Variants in ROBO1 observed in about 807,000 individuals in gnomAD.
The protein encoded by ROBO1 is roundabout guidance receptor 1, also known as roundabout homolog 1.
ROBO1 carries 149 observed loss-of-function variants against 195.9 expected under a neutral mutation model. The ratio of observed to expected loss-of-function variants is 0.76; its 90% confidence interval spans 0.67 to 0.87. The LOEUF (loss-of-function observed/expected upper bound fraction) is 0.87, where lower values mean the gene tolerates loss of function less well. ROBO1 is among the 40% of genes least tolerant of loss of function. The pLI is 0.00. For missense variants in ROBO1, 1,933 were observed against 2,068.3 expected, an observed-to-expected ratio of 0.93 and a Z score of 1.27; for synonymous variants, 816 against 733.2, an observed-to-expected ratio of 1.11 and a Z score of -1.82.
chr3:79,215,465 C>A (rs1245329918), intron 2 of ROBO1, among the ~76,000 whole-genome samples: 2 of 152,000 alleles, frequency 1.3e-5, no homozygotes, highest in South Asian at 2.1e-4. Flanking sequence ...CTACTCCGAC[C>A]CAACAAACGA....
intron 2 of ROBO1, among the ~76,000 whole-genome samples, chr3:79,244,442 A>G (rs1472265983): frequency 2.0e-5 from 3 of 152,162 alleles, no homozygotes; most frequent in Non-Finnish European, 2.9e-5. Context: ...AAATACCCCC[A>G]GGATGGTTTT....
At chr3:78,620,883 A>G (rs202134279) in intron 26 of ROBO1, among the ~76,000 whole-genome samples, 2,550 of 144,636 alleles carry the variant, frequency 0.018, 66 homozygotes, top group African/African-American at 0.053. Context: ...ATATATATAT[A>G]TGTGTGTGTG....
intron 2 of ROBO1, among the ~76,000 whole-genome samples, chr3:79,556,154 T>G (rs1942692039): frequency 6.6e-6 from 1 of 152,122 alleles, no homozygotes; most frequent in South Asian, 2.1e-4. Flanking sequence ...TATATAGAAT[T>G]ATAAATCTTT....
chr3:79,569,976 C>T (rs1943226077), intron 2 of ROBO1, among the ~76,000 whole-genome samples: 1 of 149,770 alleles, frequency 6.7e-6, no homozygotes, highest in Admixed American at 6.7e-5. Context: ...TGATGTTCAC[C>T]TGTAGTCCCA....
chr3:78,711,388 TTCCTTCCTTC>T (rs1559773409), intron 8 of ROBO1, among the ~76,000 whole-genome samples: 63 of 47,030 alleles, frequency 1.3e-3, no homozygotes, highest in South Asian at 3.4e-3. Flanking sequence ...CCTTCCTTCC[TTCCTTCCTTC>T]CTTTCTTTCT....
intron 2 of ROBO1, among the ~76,000 whole-genome samples, chr3:79,544,855 T>C (rs1942204724): frequency 6.6e-6 from 1 of 152,122 alleles, no homozygotes; most frequent in Non-Finnish European, 1.5e-5. Context: ...GGAAATTGTA[T>C]TGTTATTTGA....
chr3:78,657,320 G>GC, intron 17 of ROBO1, 51 bp from the exon 18 acceptor site: 1 of 1,581,844 alleles, frequency 6.3e-7, no homozygotes, highest in Middle Eastern at 1.7e-4. Flanking sequence ...CTAAATGAAT[G>GC]CAAAGATCAA....
chr3:79,689,620 A>C (rs1319240673), intron 1 of ROBO1, among the ~76,000 whole-genome samples: 6 of 152,044 alleles, frequency 3.9e-5, no homozygotes, highest in African/African-American at 7.2e-5. Context: ...TCAACTAATA[A>C]GGAAAAACAG....
intron 3 of ROBO1, among the ~76,000 whole-genome samples, chr3:79,038,326 T>C (rs1576598577): frequency 6.6e-6 from 1 of 152,190 alleles, no homozygotes; most frequent in African/African-American, 2.4e-5. Context: ...CTCGTGGTGG[T>C]GGTGACCTCC....
chr3:78,738,091 G>A (rs968962497), intron 5 of ROBO1, among the ~76,000 whole-genome samples: 1 of 152,246 alleles, frequency 6.6e-6, no homozygotes, highest in Non-Finnish European at 1.5e-5. Flanking sequence ...AGCACTAATC[G>A]AAGGAAGGGA....
intron 3 of ROBO1, among the ~76,000 whole-genome samples, chr3:78,974,761 T>C (rs192112192): frequency 8.5e-5 from 13 of 152,266 alleles, no homozygotes; most frequent in Non-Finnish European, 1.3e-4. Context: ...TTTTCATACC[T>C]AATATAAACT....
At chr3:79,378,311 C>A (rs1354951292) in intron 2 of ROBO1, among the ~76,000 whole-genome samples, 1 of 152,020 alleles carries the variant, frequency 6.6e-6, no homozygotes, top group South Asian at 2.1e-4. Flanking sequence ...TCCCTCGGTG[C>A]CAGCCTCCAG....
intron 2 of ROBO1, among the ~76,000 whole-genome samples, chr3:79,287,839 T>C (rs2031985003): frequency 1.3e-5 from 2 of 152,172 alleles, no homozygotes; most frequent in African/African-American, 4.8e-5. Context: ...GGTTATAATT[T>C]CTAGTGTAGT....
chr3:79,128,692 T>C (rs1474403749), intron 2 of ROBO1, among the ~76,000 whole-genome samples: 1 of 152,182 alleles, frequency 6.6e-6, no homozygotes, highest in Non-Finnish European at 1.5e-5. Context: ...ATGGGTCAGA[T>C]GGACCCCCAT....
intron 2 of ROBO1, among the ~76,000 whole-genome samples, chr3:79,226,537 T>C (rs1275496957): frequency 6.6e-6 from 1 of 151,738 alleles, no homozygotes; most frequent in Non-Finnish European, 1.5e-5. Context: ...TCATTTTTCT[T>C]TCTTTCTTTT....
At chr3:79,236,826 T>A (rs1279945622) in intron 2 of ROBO1, among the ~76,000 whole-genome samples, 1 of 152,166 alleles carries the variant, frequency 6.6e-6, no homozygotes, top group Non-Finnish European at 1.5e-5. Context: ...CTGACTGACA[T>A]TGCAGGTTAA....
At chr3:79,080,163 A>G (rs1463291613) in intron 3 of ROBO1, among the ~76,000 whole-genome samples, 1 of 151,876 alleles carries the variant, frequency 6.6e-6, no homozygotes, top group Non-Finnish European at 1.5e-5. Context: ...TATGCATTAT[A>G]CATATTATTT....
At chr3:79,169,657 T>C (rs1373370526) in intron 2 of ROBO1, among the ~76,000 whole-genome samples, 1 of 152,178 alleles carries the variant, frequency 6.6e-6, no homozygotes, top group East Asian at 1.9e-4. Context: ...GGTTAAATTG[T>C]GTAAGTACTT....
In ROBO1 at chr3:79,313,499, T is replaced by C. The variant is rs183434391; in HGVS notation, c.89-187960A>G. Among the ~76,000 whole-genome samples, 115 of 152,314 alleles carry C rather than the reference T, an allele frequency of 7.6e-4. 1 individual carries two copies. Among genetic ancestry groups the C allele is most frequent in the Admixed American group, 7.5e-3 (114 of 15,292 alleles). ...CCTTCAATGCTTTTAGAAGCTCTCT[T>C]AGAAAACTTTAGAAATCCCTTCCTT... On this transcript the variant is annotated intron_variant, in intron 2 of 30. Coordinates refer to ENST00000464233, the MANE Select transcript of ROBO1 (RefSeq NM_002941.4).
Sources: allele counts gnomAD v4.1 joint callset (sites outside exome capture counted in the v4.1 genomes callset), GRCh38; gene constraint gnomAD v4.1.1; transcripts MANE v1.5; gene names NCBI Gene and HGNC (gene_info 2026-07-23, HGNC 2026-07-21).